Variants in TPTE2 observed in about 807,000 individuals in gnomAD.
TPTE2 encodes the protein phosphatidylinositol 3,4,5-trisphosphate 3-phosphatase TPTE2.
A neutral mutation model predicts 78.6 loss-of-function variants in TPTE2; 53 were observed. The ratio of observed to expected loss-of-function variants is 0.67; its 90% confidence interval spans 0.54 to 0.85. The LOEUF is 0.85. Ranked by LOEUF, TPTE2 falls within the 40% of genes least tolerant of loss-of-function variation. TPTE2 has a pLI of 0.00. For synonymous variants in TPTE2, 175 were observed against 206.2 expected (o/e 0.85, Z 1.30); for missense variants, 461 against 623.0 (o/e 0.74, Z 2.77).
upstream of TPTE2, among the ~76,000 whole-genome samples, chr13:19,540,200 TAG>T (rs1425567097): frequency 1.3e-5 from 2 of 152,030 alleles, no homozygotes; most frequent in South Asian, 2.1e-4. Context: ...GCATTAAATC[TAG>T]AGATTAATGT....
chr13:19,517,942 A>T (rs1172765448), intron 1 of TPTE2, among the ~76,000 whole-genome samples: 1 of 152,176 alleles, frequency 6.6e-6, no homozygotes, highest in Non-Finnish European at 1.5e-5. Flanking sequence ...TTTTTCTTTT[A>T]TATGAAATGG....
intron 1 of TPTE2, among the ~76,000 whole-genome samples, chr13:19,524,703 T>C (rs780867502): frequency 6.6e-6 from 1 of 152,212 alleles, no homozygotes; most frequent in Non-Finnish European, 1.5e-5. Flanking sequence ...AAGTGGCCCT[T>C]GGTCCACTCT....
intron 1 of TPTE2, among the ~76,000 whole-genome samples, chr13:19,496,760 G>C (rs1881337778): frequency 6.6e-6 from 1 of 152,146 alleles, no homozygotes; most frequent in Non-Finnish European, 1.5e-5. Context: ...CAGGAAATCT[G>C]AGTCCTTTAA....
chr13:19,506,158 A>ATTT (rs1566069858), upstream of TPTE2, among the ~76,000 whole-genome samples: 4 of 23,554 alleles, frequency 1.7e-4, no homozygotes, highest in Non-Finnish European at 2.9e-4. Flanking sequence ...GTGTATATAA[A>ATTT]TCTTTTTTTT....
intron 6 of TPTE2, among the ~76,000 whole-genome samples, chr13:19,472,290 C>T (rs1593378990): frequency 6.6e-6 from 1 of 152,180 alleles, no homozygotes; most frequent in Admixed American, 6.5e-5. Flanking sequence ...AAGGCCAATA[C>T]CACTTAGATT....
intron 5 of TPTE2, among the ~76,000 whole-genome samples, chr13:19,474,359 C>A (rs1879814480): frequency 1.3e-5 from 2 of 152,172 alleles, no homozygotes; most frequent in African/African-American, 4.8e-5. Context: ...CAGACCAACA[C>A]CTCAAGAGAG....
At chr13:19,480,724 A>G (rs1428218307) in intron 4 of TPTE2, among the ~76,000 whole-genome samples, 1 of 152,224 alleles carries the variant, frequency 6.6e-6, no homozygotes, top group East Asian at 1.9e-4. Flanking sequence ...AGAGAAATCA[A>G]TGATGGCTAG....
rs1210708101 is a variant in TPTE2, at chr13:19,503,012, G to C, written c.11+212C>G. Among the ~76,000 whole-genome samples the C allele has an allele frequency of 3.3e-5, 5 of 152,106 alleles. No individual in the cohort carries two copies. The South Asian group carries it at 1.0e-3, about 32-fold the overall frequency. On this transcript the variant is annotated intron_variant, in intron 1 of 19. Transcript: ENST00000400230. The stretch of plus-strand genomic sequence containing the variant: ...AAAAGAATTGGAAACCCTGTTAAAA[G>C]CTTCTCAGAATAAACTCCACAAATG...
At chr13:19,467,999 C>T in intron 6 of TPTE2, among the ~76,000 whole-genome samples, 1 of 143,456 alleles carries the variant, frequency 7.0e-6, no homozygotes, top group Non-Finnish European at 1.5e-5. Flanking sequence ...CTAGTTCCAT[C>T]CATGTTGTTC....
chr13:19,481,658 G>T (rs751138213), intron 4 of TPTE2, among the ~76,000 whole-genome samples: 2 of 151,962 alleles, frequency 1.3e-5, no homozygotes, highest in Non-Finnish European at 2.9e-5. Flanking sequence ...ATTTTGTTTC[G>T]GCCCTGGGCA....
intron 13 of TPTE2, 68 bp downstream of exon 16, chr13:19,450,008 T>G: frequency 6.4e-7 from 1 of 1,567,870 alleles, no homozygotes. Flanking sequence ...ATACGTATCT[T>G]GTTCTTCTAC....
chr13:19,526,201 T>G (rs1370370102), intron 1 of TPTE2, among the ~76,000 whole-genome samples: 1 of 152,208 alleles, frequency 6.6e-6, no homozygotes, highest in East Asian at 1.9e-4. Flanking sequence ...CACAGGAATA[T>G]AAATATCATT....
In TPTE2 at chr13:19,427,938, A is replaced by G. The variant is rs1408994494; in HGVS notation, c.1303-1421T>C. Among the ~76,000 whole-genome samples the G allele has an allele frequency of 3.3e-5, 5 of 152,246 alleles. No homozygotes were observed. In the East Asian group the frequency reaches 7.7e-4, roughly 23 times the overall value. ...GGGAGCTGTACATTTAAGAAACAAT[A>G]GTAGAATGGTACATAACTCAATCTG... On this transcript the variant is annotated intron_variant, in intron 17 of 19. Coordinates refer to ENST00000400230, the Ensembl canonical transcript of TPTE2.
At chr13:19,443,487 C>T (rs1033550779) in intron 13 of TPTE2, among the ~76,000 whole-genome samples, 5 of 149,450 alleles carry the variant, frequency 3.3e-5, no homozygotes, top group African/African-American at 1.2e-4. Context: ...CTCACTGCAA[C>T]CTCTGCCTCC....
chr13:19,467,363 A>T lies in TPTE2; in HGVS notation c.393-19T>A. On this transcript the variant is annotated intron_variant, in intron 6 of 19. Transcript: ENST00000400230. ...CTGTCTCCTGTAATATAAAAAAAAA[A>T]AAAAAAAAGTTCATTTCCCTCTGCA... The T allele has an allele frequency of 6.8e-7, 1 of 1,472,110 alleles. No homozygotes were observed. Among genetic ancestry groups the T allele is most frequent in the Non-Finnish European group, 9.0e-7 (1 of 1,111,678 alleles). The allele number at this position is 1,472,110 out of a possible 1,614,324, so 91.2% of individuals were successfully genotyped here.
chr13:19,462,964 T>G (rs1170121170), intron 10 of TPTE2, among the ~76,000 whole-genome samples: 2 of 151,790 alleles, frequency 1.3e-5, no homozygotes, highest in Non-Finnish European at 2.9e-5. Flanking sequence ...ATCTCTCCCA[T>G]GTCTGTTTTT....
rs1432721920 is a variant in TPTE2, at chr13:19,436,318, G to T, written c.1036-12C>A. On this transcript the variant is annotated splice_polypyrimidine_tract_variant and intron_variant, in intron 14 of 19. Coordinates refer to ENST00000400230, the Ensembl canonical transcript of TPTE2. ...TAATATAGGCTTTCCTACAAAAAAGGGTACAATCCAACCATGGTTCATCTG... is the reference window on the plus strand; with the variant it reads ...TAATATAGGCTTTCCTACAAAAAAGTGTACAATCCAACCATGGTTCATCTG... 1 of 1,609,550 alleles carries T rather than the reference G, an allele frequency of 6.2e-7. No individual in the cohort carries two copies. The highest frequency in any genetic ancestry group is 1.1e-5 in the South Asian group (1 of 90,612).
chr13:19,472,342 C>T (rs1879671511), intron 6 of TPTE2, among the ~76,000 whole-genome samples: 1 of 152,128 alleles, frequency 6.6e-6, no homozygotes, highest in Non-Finnish European at 1.5e-5. Context: ...AGGCATGCAT[C>T]ATTGTTTTTT....
At chr13:19,553,763 A>T in the TPTE2 span, among the ~76,000 whole-genome samples, 1 of 152,158 alleles carries the variant, frequency 6.6e-6, no homozygotes, top group Non-Finnish European at 1.5e-5. Context: ...ATTGTAGATC[A>T]ATGGTTGCCT....
Sources: gnomAD v4.1 joint callset for allele counts (sites outside exome capture counted in the v4.1 genomes callset) on GRCh38, gnomAD v4.1.1 for gene constraint, MANE v1.5 for transcripts, NCBI Gene and HGNC (gene_info 2026-07-23, HGNC 2026-07-21) for gene names.